Variants in PLCG1 observed in about 807,000 individuals in gnomAD.
The protein encoded by PLCG1 is 1-phosphatidylinositol 4,5-bisphosphate phosphodiesterase gamma-1.
A neutral mutation model predicts 177.8 loss-of-function variants in PLCG1; 71 were observed. The observed-to-expected ratio is 0.40, with a 90% confidence interval of 0.33 to 0.49. PLCG1 has a LOEUF of 0.49. Ranked by LOEUF, PLCG1 falls within the 20% of genes least tolerant of loss-of-function variation. The pLI is 0.72. For synonymous variants in PLCG1, 658 were observed against 647.9 expected, an observed-to-expected ratio of 1.02 and a Z score of -0.24; for missense variants, 1,281 against 1,709.0, an observed-to-expected ratio of 0.75 and a Z score of 4.42.
chr20:41,152,075 A>C (rs1389224832), intron 1 of PLCG1, among the ~76,000 whole-genome samples: 1 of 152,180 alleles, frequency 6.6e-6, no homozygotes, highest in Non-Finnish European at 1.5e-5. Context: ...GAGAAGGCTT[A>C]GCTCCATTAA....
chr20:41,137,774 C>T lies in PLCG1; in HGVS notation c.133C>T (p.Arg45Ter). ...TTTGTTCTACTCCAAGAAGTCGCAG[C>T]GACCCGAGCGGAAGACCTTCCAGGT... The part of the protein sequence containing the change: ...MTLFYSKKSQ[R>*]PERKTFQVKL... The change falls in exon 1 of 32, where the codon CGA (arginine) becomes TGA (stop). Residue 45 changes from arginine to a stop codon, truncating the protein, a stop_gained. Coordinates refer to ENST00000685551, the MANE Select transcript of PLCG1 (RefSeq NM_002660.3). LOFTEE classifies it high-confidence loss of function. The surrounding 1 kb of genome is among the most constrained non-coding windows in gnomAD (Gnocchi z 7.3). The T allele has an allele frequency of 1.5e-6, 2 of 1,295,390 alleles. No homozygotes were observed. Among genetic ancestry groups the T allele is most frequent in the Non-Finnish European group, 2.0e-6 (2 of 1,014,466 alleles). 80.2% of individuals were successfully genotyped at this position (1,295,390 alleles called of 1,614,324 possible).
rs1344321002 is a variant in PLCG1, at chr20:41,172,267, G to T, written c.2883G>T (p.Arg961=). ...TCTCTGAACTTGTCGTCTACTGCCG[G>T]CCTGTTCCCTTTGATGAAGAGAGTA... ...LELSELVVYC[R]PVPFDEEKIG... is the part of the protein sequence containing the mutation. Residue 961 remains arginine (R), a synonymous_variant, in exon 25 of 32, where the codon CGG becomes CGT. Coordinates refer to ENST00000685551, the MANE Select transcript of PLCG1 (RefSeq NM_002660.3). The surrounding 1 kb of genome is among the most constrained non-coding windows in gnomAD (Gnocchi z 7.0). 6.2e-7 allele frequency: 1 copy of T among 1,613,914 alleles called. No individual in the cohort carries two copies. Among genetic ancestry groups the T allele is most frequent in the African/African-American group, 1.3e-5 (1 of 75,048 alleles).
In PLCG1 at chr20:41,167,649, T is replaced by G. The variant is rs904848128; in HGVS notation, c.2302-203T>G. 3.1e-5 allele frequency: 18 copies of G among 577,260 alleles called. No homozygotes were observed. Among genetic ancestry groups the G allele is most frequent in the Non-Finnish European group, 4.9e-5 (16 of 323,334 alleles). The allele number at this position is 577,260 out of a possible 1,614,324, so 35.8% of individuals were successfully genotyped here. Reference sequence around the variant, plus strand: ...TTAGAATCCTGGGCTGGGCCTTACATGTAAGAATGTGAAGAAAGGAAAGGG... The same window carrying G: ...TTAGAATCCTGGGCTGGGCCTTACAGGTAAGAATGTGAAGAAAGGAAAGGG... On this transcript the variant is annotated intron_variant, in intron 19 of 31. Transcript: ENST00000685551. The surrounding 1 kb of genome is among the most constrained non-coding windows in gnomAD (Gnocchi z 4.4).
At position 41,166,276 on chromosome 20, in the gene PLCG1, G is replaced by A. The variant is rs575584172; in HGVS notation, c.1882G>A (p.Val628Ile). 24 of 1,614,142 alleles carry A rather than the reference G, an allele frequency of 1.5e-5. No homozygotes were observed. Among genetic ancestry groups the A allele is most frequent in the African/African-American group, 2.7e-5 (2 of 75,060 alleles). ...TPKFFLTDNL[V>I]FDSLYDLITH... Reference sequence around the variant, plus strand: ...CAAGTTCTTCTTGACAGACAACCTCGTCTTTGACTCCCTCTATGACCTCAT... The same window carrying A: ...CAAGTTCTTCTTGACAGACAACCTCATCTTTGACTCCCTCTATGACCTCAT... The change falls in exon 17 of 32, where the codon GTC (valine) becomes ATC (isoleucine). Residue 628 changes from valine to isoleucine, a missense_variant. By Grantham distance (29) the Val-to-Ile change is conservative. This residue lies in a region of PLCG1 where 723 missense variants were observed against 1,030.0 expected (regional missense o/e 0.70). Transcript: ENST00000685551. The surrounding 1 kb of genome is among the most constrained non-coding windows in gnomAD (Gnocchi z 8.6).
rs1310224515 is a variant in PLCG1 at position 41,164,920 on chromosome 20, C to T, written c.1218-13C>T. 6.2e-7 allele frequency: 1 copy of T among 1,610,912 alleles called. No homozygotes were observed. Among genetic ancestry groups the T allele is most frequent in the Admixed American group, 1.7e-5 (1 of 59,816 alleles). ...CAGAATCTGTTTCACTGTGCTTGTC[C>T]CCCATCCCGCAGGTACCCAGTCATC... On this transcript the variant is annotated splice_polypyrimidine_tract_variant and intron_variant, in intron 12 of 31. Coordinates refer to ENST00000685551, the MANE Select transcript of PLCG1 (RefSeq NM_002660.3). The surrounding 1 kb of genome is among the most constrained non-coding windows in gnomAD (Gnocchi z 6.4).
Position 41,150,742 on chromosome 20 carries a change from C to T in PLCG1, c.218-8864C>T, listed in dbSNP as rs2035141466. Reference sequence around the variant, plus strand: ...GACTCCTGCACCTCTGTCTTGGTTTCCATGAACCCCTCTGCCCAATGTGTG... The same window carrying T: ...GACTCCTGCACCTCTGTCTTGGTTTTCATGAACCCCTCTGCCCAATGTGTG... On this transcript the variant is annotated intron_variant, in intron 1 of 31. Transcript: ENST00000685551. This position sits in a 1 kb window ranked among gnomAD's most constrained non-coding sequence, Gnocchi z 4.0. Among the ~76,000 whole-genome samples the T allele has an allele frequency of 6.6e-6, 1 of 152,208 alleles. No homozygotes were observed. Among genetic ancestry groups the T allele is most frequent in the Non-Finnish European group, 1.5e-5 (1 of 68,048 alleles).
At position 41,173,389 on chromosome 20, in the gene PLCG1, C is replaced by T. The variant is rs1568759754; in HGVS notation, c.3280-31C>T. The T allele has an allele frequency of 6.5e-7, 1 of 1,536,704 alleles. No individual in the cohort carries two copies. Among genetic ancestry groups the T allele is most frequent in the Non-Finnish European group, 8.8e-7 (1 of 1,140,178 alleles). ...GGGGAATTGGAGGGAGCAGGAAGGA[C>T]AATCCCAGGCCCTTCTTTGTCTGCC... On this transcript the variant is annotated intron_variant, in intron 27 of 31. Coordinates refer to ENST00000685551, the MANE Select transcript of PLCG1 (RefSeq NM_002660.3). The surrounding 1 kb of genome is among the most constrained non-coding windows in gnomAD (Gnocchi z 6.2).
intron 1 of PLCG1, among the ~76,000 whole-genome samples, chr20:41,142,894 C>T (rs2034874000): frequency 6.6e-6 from 1 of 152,150 alleles, no homozygotes; most frequent in African/African-American, 2.4e-5. Context: ...GGATTAAGTT[C>T]TCAGGAGGAC....
chr20:41,156,370 G>T lies in PLCG1; in HGVS notation c.218-3236G>T, dbSNP rs1358581008. 6.6e-6 allele frequency among the ~76,000 whole-genome samples: 1 copy of T among 152,192 alleles called. No homozygotes were observed. Among genetic ancestry groups the T allele is most frequent in the Non-Finnish European group, 1.5e-5 (1 of 68,028 alleles). On this transcript the variant is annotated intron_variant, in intron 1 of 31. Coordinates refer to ENST00000685551, the MANE Select transcript of PLCG1 (RefSeq NM_002660.3). This position sits in a 1 kb window ranked among gnomAD's most constrained non-coding sequence, Gnocchi z 5.0. Reference sequence around the variant, plus strand: ...GAAGCCTGGGCAGCCATCACCATGGGCCTGGGGACGTGGTGCTGGGCAGAA... The same window carrying T: ...GAAGCCTGGGCAGCCATCACCATGGTCCTGGGGACGTGGTGCTGGGCAGAA...
chr20:41,165,082 A>G lies in PLCG1; in HGVS notation c.1367A>G (p.Lys456Arg). 6.2e-7 allele frequency: 1 copy of G among 1,613,066 alleles called. No homozygotes were observed. The change falls in exon 13 of 32, where the codon AAG becomes AGG. Residue 456 changes from lysine to arginine, a missense_variant. Transcript: ENST00000685551. This position sits in a 1 kb window ranked among gnomAD's most constrained non-coding sequence, Gnocchi z 6.6. ...ADGLPSPNQL[K>R]RKILIKHKKL... ...GGGCTCCCCTCACCCAACCAGCTTA[A>G]GAGGAAGATCCTCATCAAGGTGGGG...
Position 41,164,028 on chromosome 20 carries a change from G to A in PLCG1, c.1096+22G>A, listed in dbSNP as rs768869657. 1 of 1,614,170 alleles carries A rather than the reference G, an allele frequency of 6.2e-7. No individual in the cohort carries two copies. Among genetic ancestry groups the A allele is most frequent in the Non-Finnish European group, 8.5e-7 (1 of 1,180,016 alleles). On this transcript the variant is annotated intron_variant, in intron 11 of 31. Transcript: ENST00000685551. This position sits in a 1 kb window ranked among gnomAD's most constrained non-coding sequence, Gnocchi z 6.4. ...GAGTGTGCGTGGGGTCCAGGGCTGG[G>A]GGAGGGAAGATGGGAGGCCTGCCCG...
intron 1 of PLCG1, among the ~76,000 whole-genome samples, chr20:41,149,411 G>A (rs1187542766): frequency 6.6e-6 from 1 of 152,214 alleles, no homozygotes; most frequent in African/African-American, 2.4e-5. Context: ...AGATGCGAAG[G>A]ATCATTCTGA....
intron 4 of PLCG1, among the ~76,000 whole-genome samples, chr20:41,161,147 C>T (rs1424093295): frequency 6.6e-6 from 1 of 152,078 alleles, no homozygotes; most frequent in African/African-American, 2.4e-5. Flanking sequence ...TGATCCCAGA[C>T]CACCCCCATA....
Position 41,153,661 on chromosome 20 carries a change from C to CCGA in PLCG1, c.218-5944_218-5942dup, listed in dbSNP as rs765798643. On this transcript the variant is annotated intron_variant, in intron 1 of 31. Coordinates refer to ENST00000685551, the MANE Select transcript of PLCG1 (RefSeq NM_002660.3). This position sits in a 1 kb window ranked among gnomAD's most constrained non-coding sequence, Gnocchi z 5.1. ...CTTCTAATCCCAGCACTTTGGGAGG[C>CCGA]CGAGGCAGGCGAATCACTGGAGGTC... Among the ~76,000 whole-genome samples the CCGA allele has an allele frequency of 3.9e-5, 6 of 152,112 alleles. No homozygotes were observed. The highest frequency in any genetic ancestry group is 5.9e-5 in the Non-Finnish European group (4 of 68,022).
Position 41,163,510 on chromosome 20 carries a change from A to G in PLCG1, c.891+31A>G, listed in dbSNP as rs2035583179. 1 of 1,511,874 alleles carries G rather than the reference A, an allele frequency of 6.6e-7. No homozygotes were observed. Among genetic ancestry groups the G allele is most frequent in the South Asian group, 1.1e-5 (1 of 89,228 alleles). The allele number at this position is 1,511,874 out of a possible 1,614,324, so 93.7% of individuals were successfully genotyped here. ...CCCGATGTTTCACCCATTTTTTGTC[A>G]AGAGAATGAGTAGGGGTGACCAGGA... On this transcript the variant is annotated intron_variant, in intron 9 of 31. Transcript: ENST00000685551. The surrounding 1 kb of genome is among the most constrained non-coding windows in gnomAD (Gnocchi z 5.2).
chr20:41,177,499 A>G lies in PLCG1; in HGVS notation c.*2990A>G, dbSNP rs1463032111. The stretch of plus-strand genomic sequence containing the variant: ...CTCACTTGTCTTTCAACTTGAGCCC[A>G]TCACTCACCATGTGAGTTCTGTTGA... On this transcript the variant is annotated 3_prime_UTR_variant, in exon 32 of 32. Coordinates refer to ENST00000685551, the MANE Select transcript of PLCG1 (RefSeq NM_002660.3). The G allele has an allele frequency of 6.6e-6, 1 of 152,268 alleles. No individual in the cohort carries two copies. Among genetic ancestry groups the G allele is most frequent in the Non-Finnish European group, 1.5e-5 (1 of 68,052 alleles). 9.4% of individuals were successfully genotyped at this position (152,268 alleles called of 1,614,324 possible).
At chr20:41,170,386 G>C (rs1364547375) in intron 24 of PLCG1, 117 bp downstream of exon 24, 1 of 1,000,766 alleles carries the variant, frequency 1.0e-6, no homozygotes, top group South Asian at 1.5e-5. Flanking sequence ...GCCTATGCTA[G>C]ATAGGCCACA....
Position 41,159,507 on chromosome 20 carries a change from T to G in PLCG1, c.218-99T>G. ...TGGCTCTGCCTCTGGGGTTCCTCCC[T>G]GAGAGAGAGTGTAAGAATGAGGAAA... is the stretch of plus-strand genomic sequence containing the variant. On this transcript the variant is annotated intron_variant, in intron 1 of 31. Transcript: ENST00000685551. This position sits in a 1 kb window ranked among gnomAD's most constrained non-coding sequence, Gnocchi z 6.0. 30 of 1,265,076 alleles carry G rather than the reference T, an allele frequency of 2.4e-5. No homozygotes were observed. The highest frequency in any genetic ancestry group is 3.0e-5 in the Non-Finnish European group (27 of 901,684). The allele number at this position is 1,265,076 out of a possible 1,614,324, so 78.4% of individuals were successfully genotyped here. A position where few individuals can be genotyped will look rare whatever the true frequency, so the allele number is the denominator to read the frequency against.
At position 41,174,526 on chromosome 20, in the gene PLCG1, T is replaced by TACAA; in HGVS notation, c.*17_*18insACAA. 6.3e-7 allele frequency: 1 copy of TACAA among 1,577,590 alleles called. No individual in the cohort carries two copies. Among genetic ancestry groups the TACAA allele is most frequent in the Non-Finnish European group, 8.6e-7 (1 of 1,160,570 alleles). ...CGCCTCTAGTTGTACCCCAGCCTCGTTGGAGAGCAGCAGGTGCTGTGCGCC... is the reference window on the plus strand; with the variant it reads ...CGCCTCTAGTTGTACCCCAGCCTCGTACAATGGAGAGCAGCAGGTGCTGTGCGCC... On this transcript the variant is annotated 3_prime_UTR_variant, in exon 32 of 32. Coordinates refer to ENST00000685551, the MANE Select transcript of PLCG1 (RefSeq NM_002660.3). This position sits in a 1 kb window ranked among gnomAD's most constrained non-coding sequence, Gnocchi z 5.8.
Sources: gnomAD v4.1 joint callset for allele counts (sites outside exome capture counted in the v4.1 genomes callset) on GRCh38, gnomAD v4.1.1 for gene constraint, gnomAD v4.1.1 regional missense constraint, Gnocchi (gnomAD v3.1) non-coding constraint, MANE v1.5 for transcripts, NCBI Gene and HGNC (gene_info 2026-07-23, HGNC 2026-07-21) for gene names.